PRKX: variants seen among roughly 807,000 people sequenced by gnomAD.
PRKX encodes the protein protein kinase cAMP-dependent X-linked catalytic subunit.
A neutral mutation model predicts 22.0 loss-of-function variants in PRKX; 12 were observed. The observed-to-expected ratio is 0.54, with a 90% CI of 0.35 to 0.88. The LOEUF is 0.88. Among genes scored for constraint, PRKX ranks in the 40% least tolerant of loss-of-function variants. The pLI, the probability that PRKX is intolerant of heterozygous loss-of-function variation, is 0.01. For synonymous variants in PRKX, 134 were observed against 137.7 expected (o/e 0.97, Z 0.19); for missense variants, 217 against 308.0 (o/e 0.70, Z 2.21).
chrX:3,633,675 T>G (rs1926831877), intron 4 of PRKX, among the ~76,000 whole-genome samples: 1 of 111,814 alleles, frequency 8.9e-6, no homozygotes, highest in Admixed American at 9.6e-5. Context: ...TCCAGTAAAG[T>G]GGATGGTGCA....
At chrX:3,670,176 T>C (rs759875722) in intron 2 of PRKX, 2 of 124,003 alleles carry the variant, frequency 1.6e-5, no homozygotes, top group African/African-American at 6.4e-5. Flanking sequence ...CAAGGCAACT[T>C]ACATTTAGAA....
At chrX:3,664,249 T>C (rs2146589794) in intron 2 of PRKX, among the ~76,000 whole-genome samples, 1 of 112,030 alleles carries the variant, frequency 8.9e-6, no homozygotes, top group South Asian at 3.7e-4. Flanking sequence ...TTTGTTTTTT[T>C]CCTAGATAGG....
chrX:3,621,186 A>G lies in PRKX; in HGVS notation c.873+73T>C, dbSNP rs1423594879. The stretch of plus-strand genomic sequence containing the variant: ...GCTAAGCCTTGGTTTATACCTGCAC[A>G]TGCCAATGTGGGTGTTAGACGGCAG... On this transcript the variant is annotated intron_variant, in intron 6 of 8. Coordinates refer to ENST00000262848, the MANE Select transcript of PRKX (RefSeq NM_005044.5). 4 of 956,414 alleles carry G rather than the reference A, an allele frequency of 4.2e-6. No individual in the cohort carries two copies. The East Asian group carries it at 9.3e-5, about 22-fold the overall frequency. The allele number at this position is 956,414 out of a possible 1,213,427, so 78.8% of individuals were successfully genotyped here. A position where few individuals can be genotyped will look rare whatever the true frequency, so the allele number is the denominator to read the frequency against.
intron 2 of PRKX, among the ~76,000 whole-genome samples, chrX:3,655,649 C>T (rs1411060698): frequency 3.6e-5 from 4 of 112,373 alleles, no homozygotes; most frequent in East Asian, 2.8e-4. Flanking sequence ...ACAGATGTTA[C>T]GATGTGCTTA....
At chrX:3,699,766 C>T (rs1198753697) in intron 1 of PRKX, among the ~76,000 whole-genome samples, 1 of 112,762 alleles carries the variant, frequency 8.9e-6, no homozygotes, top group Non-Finnish European at 1.9e-5. Flanking sequence ...AGCCAAATGG[C>T]ACAATTTCAA....
In PRKX at chrX:3,655,320, C is replaced by T. The variant is rs753213012; in HGVS notation, c.428G>A (p.Arg143His). 9 of 1,210,605 alleles carry T rather than the reference C, an allele frequency of 7.4e-6. No homozygotes were observed. The highest frequency in any genetic ancestry group is 1.7e-5 in the African/African-American group (1 of 57,336). The change falls in exon 3 of 9, where the codon CGC becomes CAC. Residue 143 changes from arginine to histidine, a missense_variant. Coordinates refer to ENST00000262848, the MANE Select transcript of PRKX (RefSeq NM_005044.5). Reference protein sequence around the residue: ...ELFSYLRNRGRFSSTTGLFYS... With the variant: ...ELFSYLRNRGHFSSTTGLFYS... ...GAAGAGCCCCGTGGTGCTGGAGAAG[C>T]GCCCCCGGTTGCGCAGGTAGCTGAA...
intron 4 of PRKX, among the ~76,000 whole-genome samples, chrX:3,630,522 T>C (rs1926755822): frequency 9.0e-6 from 1 of 111,589 alleles, no homozygotes; most frequent in Non-Finnish European, 1.9e-5. Flanking sequence ...ATCACGCCAC[T>C]GCACTCCAGC....
intron 5 of PRKX, among the ~76,000 whole-genome samples, chrX:3,625,606 C>T (rs1302112358): frequency 9.0e-6 from 1 of 110,907 alleles, no homozygotes; most frequent in Non-Finnish European, 1.9e-5. Context: ...GAATCTTGCT[C>T]TGTCGCCCAG....
chrX:3,672,899 T>C (rs778177470), intron 2 of PRKX, among the ~76,000 whole-genome samples: 5 of 111,032 alleles, frequency 4.5e-5, no homozygotes, highest in Non-Finnish European at 9.4e-5. Context: ...ATACCTGTAG[T>C]CTCAACTAGT....
chrX:3,640,067 T>C (rs1927040220), intron 4 of PRKX, among the ~76,000 whole-genome samples: 1 of 110,850 alleles, frequency 9.0e-6, no homozygotes, highest in Non-Finnish European at 1.9e-5. Flanking sequence ...CTCTGGTCTT[T>C]ACCCCCTGCA....
intron 1 of PRKX, among the ~76,000 whole-genome samples, chrX:3,687,169 G>A (rs1349475564): frequency 4.5e-5 from 5 of 110,753 alleles, no homozygotes; most frequent in Non-Finnish European, 9.4e-5. Context: ...ACAGGCATGC[G>A]CCACCATGTC....
chrX:3,713,467 G>C lies in PRKX; in HGVS notation c.-214C>G, dbSNP rs756682439. 4.6e-4 allele frequency: 125 copies of C among 272,823 alleles called. No individual in the cohort carries two copies. In the Middle Eastern group the frequency reaches 7.3e-3, roughly 16 times the overall value. The allele number at this position is 272,823 out of a possible 1,213,427, so 22.5% of individuals were successfully genotyped here. On this transcript the variant is annotated 5_prime_UTR_variant, in exon 1 of 9. Coordinates refer to ENST00000262848, the MANE Select transcript of PRKX (RefSeq NM_005044.5). ...ACGGCACAAGCAGCAACGGCCCCGA[G>C]TGGGAGCAGCCGCCGGCCTCGGGGG...
At chrX:3,689,748 C>G (rs202062710) in intron 1 of PRKX, among the ~76,000 whole-genome samples, 3 of 111,662 alleles carry the variant, frequency 2.7e-5, no homozygotes, top group Non-Finnish European at 5.7e-5. Context: ...GAGGCCAAGG[C>G]GGGCGGATCA....
At chrX:3,630,616 G>A (rs1926760242) in intron 4 of PRKX, among the ~76,000 whole-genome samples, 2 of 111,740 alleles carry the variant, frequency 1.8e-5, no homozygotes, top group Admixed American at 1.9e-4. Flanking sequence ...CGCATGGCTG[G>A]GGAGGCCTCA....
In PRKX at chrX:3,641,865, C is replaced by T. The variant is rs1927085454; in HGVS notation, c.706G>A (p.Glu236Lys). 4.0e-6 allele frequency: 2 copies of T among 501,189 alleles called. No individual in the cohort carries two copies. The highest frequency in any genetic ancestry group is 6.5e-6 in the Non-Finnish European group (2 of 307,303). 41.3% of individuals were successfully genotyped at this position (501,189 alleles called of 1,213,427 possible). A position where few individuals can be genotyped will look rare whatever the true frequency, so the allele number is the denominator to read the frequency against. Residue 236 changes from glutamate (E) to lysine (K), a missense_variant, in exon 4 of 9, where the codon GAG (glutamate) becomes AAG (lysine). By Grantham distance (56) the Glu-to-Lys change is moderately conservative. Transcript: ENST00000262848. ...DWWALGILIF[E>K]MLSGFPPFFD... ...GACTCTACTTACCCCGAAAGCATCT[C>T]GAATATCAGGATGCCGAGGGCCCAC...
intron 4 of PRKX, among the ~76,000 whole-genome samples, chrX:3,631,235 A>G (rs1246271301): frequency 8.9e-6 from 1 of 112,407 alleles, no homozygotes; most frequent in Non-Finnish European, 1.9e-5. Context: ...TCTTACCCCA[A>G]CAACCTGTGA....
intron 4 of PRKX, among the ~76,000 whole-genome samples, chrX:3,640,699 G>T (rs1927060891): frequency 1.8e-5 from 2 of 111,444 alleles, no homozygotes; most frequent in Non-Finnish European, 3.8e-5. Flanking sequence ...ATGAGGCTGA[G>T]ACCTACTGGG....
At chrX:3,627,167 A>G (rs1180722219) in intron 4 of PRKX, among the ~76,000 whole-genome samples, 2 of 110,291 alleles carry the variant, frequency 1.8e-5, no homozygotes, top group African/African-American at 6.6e-5. Context: ...GGATAACCTG[A>G]CGTCAGGAGT....
intron 2 of PRKX, among the ~76,000 whole-genome samples, chrX:3,660,600 T>C (rs1001316749): frequency 8.9e-6 from 1 of 111,843 alleles, no homozygotes; most frequent in African/African-American, 3.3e-5. Context: ...CAGATCCTCT[T>C]AAGAATAATG....
Sources: gnomAD v4.1 joint callset for allele counts (sites outside exome capture counted in the v4.1 genomes callset) on GRCh38, gnomAD v4.1.1 for gene constraint, MANE v1.5 for transcripts, NCBI Gene and HGNC (gene_info 2026-07-23, HGNC 2026-07-21) for gene names.